Variants in TMTC1 observed in about 807,000 individuals in gnomAD.
TMTC1 encodes the protein protein O-mannosyl-transferase TMTC1.
Under a neutral mutation model 104.8 loss-of-function variants are expected in TMTC1, and 73 were observed. That is an observed-to-expected ratio of 0.70 (90% confidence interval 0.58 to 0.85). TMTC1 has a LOEUF of 0.85. Among genes scored for constraint, TMTC1 ranks in the 40% least tolerant of loss-of-function variants. TMTC1 has a pLI of 0.00. For synonymous variants in TMTC1, 434 were observed against 428.7 expected (o/e 1.01, Z -0.15); for missense variants, 1,035 against 1,096.1 (o/e 0.94, Z 0.79).
chr12:29,766,777 A>C (rs1592030460), intron 2 of TMTC1, among the ~76,000 whole-genome samples: 1 of 152,164 alleles, frequency 6.6e-6, no homozygotes, highest in African/African-American at 2.4e-5. Flanking sequence ...TCTGGAAAAG[A>C]GTCTTGTAAA....
chr12:29,599,966 ATATGTG>A lies in TMTC1; in HGVS notation c.1250+4206_1250+4211del, dbSNP rs1165170402. The stretch of plus-strand genomic sequence containing the variant: ...TGTGTGTATATATATGTGTATATAT[ATATGTG>A]TGTGTGTGTGTGTGTATATACATAT... On this transcript the variant is annotated intron_variant, in intron 7 of 17. Coordinates refer to ENST00000539277, the MANE Select transcript of TMTC1 (RefSeq NM_001193451.2). Among the ~76,000 whole-genome samples the A allele has an allele frequency of 4.4e-5, 6 of 135,262 alleles. 1 individual carries two copies. Among genetic ancestry groups the A allele is most frequent in the African/African-American group, 1.6e-4 (5 of 30,660 alleles). 88.7% of individuals were successfully genotyped at this position (135,262 alleles called of 152,430 possible). A position where few individuals can be genotyped will look rare whatever the true frequency, so the allele number is the denominator to read the frequency against.
intron 5 of TMTC1, among the ~76,000 whole-genome samples, chr12:29,736,125 T>G (rs1942665862): frequency 6.6e-6 from 1 of 152,074 alleles, no homozygotes; most frequent in East Asian, 1.9e-4. Flanking sequence ...GAGATCGTTA[T>G]GGGCTCAGAA....
At chr12:29,522,028 AT>A (rs1347704281) in intron 11 of TMTC1, among the ~76,000 whole-genome samples, 1 of 152,224 alleles carries the variant, frequency 6.6e-6, no homozygotes, top group African/African-American at 2.4e-5. Context: ...TGCGATGGTC[AT>A]GTAAAATAAG....
chr12:29,684,964 T>G (rs1941045561), intron 5 of TMTC1, among the ~76,000 whole-genome samples: 1 of 152,186 alleles, frequency 6.6e-6, no homozygotes, highest in Non-Finnish European at 1.5e-5. Flanking sequence ...CTACAAACCT[T>G]TTTTCCCTTT....
At chr12:29,548,134 A>T (rs1944990415) in intron 10 of TMTC1, among the ~76,000 whole-genome samples, 2 of 152,196 alleles carry the variant, frequency 1.3e-5, no homozygotes, top group African/African-American at 4.8e-5. Context: ...GATCTGGGGC[A>T]TGCTGAAGTT....
intron 11 of TMTC1, among the ~76,000 whole-genome samples, chr12:29,531,676 T>C (rs1027198999): frequency 1.3e-5 from 2 of 152,132 alleles, no homozygotes; most frequent in South Asian, 2.1e-4. Context: ...GAACAAAGAG[T>C]ATAGCAAGTC....
chr12:29,744,040 A>AT lies in TMTC1; in HGVS notation c.938+7625_938+7626insA, dbSNP rs1434132197. 2.0e-5 allele frequency among the ~76,000 whole-genome samples: 3 copies of AT among 152,326 alleles called. No individual in the cohort carries two copies. In the East Asian group the frequency reaches 5.8e-4, roughly 29 times the overall value. ...ATGAGACCCGAGATCCTCTTTCAAC[A>AT]GCCTGTTGTGACAGTGATGGAATTG... is the stretch of plus-strand genomic sequence containing the variant. On this transcript the variant is annotated intron_variant, in intron 5 of 17. Coordinates refer to ENST00000539277, the MANE Select transcript of TMTC1 (RefSeq NM_001193451.2).
intron 16 of TMTC1, 22 bp downstream of exon 16, chr12:29,514,460 T>A (rs758551472): frequency 6.3e-7 from 1 of 1,593,622 alleles, no homozygotes; most frequent in Admixed American, 1.8e-5. Context: ...TTTGATGATA[T>A]AATTTTATGA....
intron 5 of TMTC1, among the ~76,000 whole-genome samples, chr12:29,662,740 T>C (rs1474579444): frequency 6.6e-6 from 1 of 151,930 alleles, no homozygotes; most frequent in Non-Finnish European, 1.5e-5. Context: ...CAAATGGTAC[T>C]GTGAGGAGGT....
intron 5 of TMTC1, among the ~76,000 whole-genome samples, chr12:29,741,612 T>C (rs1003455117): frequency 6.6e-5 from 10 of 152,184 alleles, no homozygotes; most frequent in African/African-American, 2.4e-4. Flanking sequence ...ATCTCTCATT[T>C]CTTTGTCTCT....
intron 5 of TMTC1, among the ~76,000 whole-genome samples, chr12:29,721,384 A>G (rs1459767075): frequency 6.6e-6 from 1 of 152,182 alleles, no homozygotes; most frequent in Non-Finnish European, 1.5e-5. Flanking sequence ...AAAATGTATC[A>G]GCCAAACACT....
At chr12:29,609,332 T>C (rs992192735) in intron 6 of TMTC1, among the ~76,000 whole-genome samples, 1 of 152,206 alleles carries the variant, frequency 6.6e-6, no homozygotes, top group Non-Finnish European at 1.5e-5. Flanking sequence ...GGTTAAGGCA[T>C]TTGCCAGGCT....
chr12:29,604,051 T>C (rs910722279), intron 7 of TMTC1, 127 bp downstream of exon 7: 3 of 1,290,884 alleles, frequency 2.3e-6, no homozygotes, highest in Admixed American at 2.4e-5. Context: ...TTTTTAAAGC[T>C]GAAATAATAA....
chr12:29,521,752 G>T (rs923959493), intron 11 of TMTC1, among the ~76,000 whole-genome samples: 3 of 151,934 alleles, frequency 2.0e-5, no homozygotes, highest in African/African-American at 7.2e-5. Flanking sequence ...ATTTTTAGTA[G>T]AGATGGGGTT....
At position 29,642,957 on chromosome 12, in the gene TMTC1, A is replaced by C. The variant is rs185466784; in HGVS notation, c.939-9621T>G. Among the ~76,000 whole-genome samples, 677 of 116,274 alleles carry C rather than the reference A, an allele frequency of 5.8e-3. 5 individuals are homozygous for C. The highest frequency in any genetic ancestry group is 6.9e-3 in the Non-Finnish European group (365 of 52,790). 76.3% of individuals were successfully genotyped at this position (116,274 alleles called of 152,430 possible). A position where few individuals can be genotyped will look rare whatever the true frequency, so the allele number is the denominator to read the frequency against. On this transcript the variant is annotated intron_variant, in intron 5 of 17. Transcript: ENST00000539277. ...AAAACTCCCAAACAAACAAACAAAC[A>C]AAAAAACCCATCAAAAAGTGGGTTA...
chr12:29,637,694 T>C (rs1938626920), intron 5 of TMTC1, among the ~76,000 whole-genome samples: 1 of 152,186 alleles, frequency 6.6e-6, no homozygotes, highest in Admixed American at 6.5e-5. Flanking sequence ...GTGTTTTAAG[T>C]GCAAGAATAT....
At chr12:29,731,653 A>G (rs1457089582) in intron 5 of TMTC1, among the ~76,000 whole-genome samples, 1 of 151,968 alleles carries the variant, frequency 6.6e-6, no homozygotes, top group African/African-American at 2.4e-5. Flanking sequence ...CAAGTAGATC[A>G]ATATATAAAA....
chr12:29,676,391 A>G (rs1940726192), intron 5 of TMTC1, among the ~76,000 whole-genome samples: 1 of 152,228 alleles, frequency 6.6e-6, no homozygotes, highest in Non-Finnish European at 1.5e-5. Context: ...TCTGGGTCCT[A>G]TCACTATTAT....
intron 11 of TMTC1, among the ~76,000 whole-genome samples, chr12:29,530,299 G>A (rs1470936385): frequency 6.6e-6 from 1 of 152,148 alleles, no homozygotes; most frequent in African/African-American, 2.4e-5. Flanking sequence ...TTTCCTAAGA[G>A]TTGAACAGAA....
Sources: allele counts gnomAD v4.1 joint callset (sites outside exome capture counted in the v4.1 genomes callset), GRCh38; gene constraint gnomAD v4.1.1; transcripts MANE v1.5; gene names NCBI Gene and HGNC (gene_info 2026-07-23, HGNC 2026-07-21).